TLR7: variants seen among roughly 807,000 people sequenced by gnomAD.
TLR7 encodes the protein toll like receptor 7, also known as toll-like receptor 7.
In TLR7, 12 loss-of-function variants were observed where a neutral mutation model predicts 38.3. The ratio of observed to expected loss-of-function variants is 0.31; its 90% CI spans 0.20 to 0.51. The LOEUF (loss-of-function observed/expected upper bound fraction) is 0.51. Among genes scored for constraint, TLR7 ranks in the 20% least tolerant of loss-of-function variants. The pLI is 0.98. For missense variants in TLR7, 504 were observed against 743.4 expected (o/e 0.68, Z 3.74); for synonymous variants, 285 against 293.8 (o/e 0.97, Z 0.31).
intron 2 of TLR7, among the ~76,000 whole-genome samples, chrX:12,869,936 T>G (rs2042846880): frequency 1.8e-5 from 2 of 109,564 alleles, no homozygotes; most frequent in South Asian, 7.8e-4. Flanking sequence ...TCATGTTTTT[T>G]AAAATAATAC....
At chrX:12,884,105 G>A (rs930975404) in intron 2 of TLR7, among the ~76,000 whole-genome samples, 6 of 111,150 alleles carry the variant, frequency 5.4e-5, no homozygotes, top group African/African-American at 1.6e-4. Flanking sequence ...TCAACCTCCC[G>A]AGTAGCTGAA....
intron 2 of TLR7, among the ~76,000 whole-genome samples, chrX:12,872,969 A>G (rs988462903): frequency 2.7e-5 from 3 of 111,000 alleles, no homozygotes; most frequent in Non-Finnish European, 5.7e-5. Context: ...CACCCAGAGC[A>G]GAGACCGCCA....
At position 12,886,915 on chromosome X, in the gene TLR7, T is replaced by C. The variant is rs1175164506; in HGVS notation, c.1407T>C (p.Asp469=). 2 of 1,207,277 alleles carry C rather than the reference T, an allele frequency of 1.7e-6. No individual in the cohort carries two copies. Among genetic ancestry groups the C allele is most frequent in the Admixed American group, 4.4e-5 (2 of 45,426 alleles). The part of the protein sequence containing the change: ...VLEQLHYFRY[D]KYARSCRFKN... ...AACAATTACATTATTTCAGATATGA[T>C]AAGTATGCAAGGAGTTGCAGATTCA... The change falls in exon 3 of 3, where the codon GAT becomes GAC. Residue 469 remains aspartate, a synonymous_variant. Coordinates refer to ENST00000380659, the MANE Select transcript of TLR7 (RefSeq NM_016562.4).
In TLR7 at chrX:12,888,601, C is replaced by T. The variant is rs201628325; in HGVS notation, c.3093C>T (p.Asn1031=). 182 of 1,209,311 alleles carry T rather than the reference C, an allele frequency of 1.5e-4. No individual in the cohort carries two copies. The highest frequency in any genetic ancestry group is 3.0e-4 in the South Asian group (17 of 56,685). ...CATACTTCTGGCAGTGTCTAAAGAACGCCCTGGCCACAGACAATCATGTGG... is the reference window on the plus strand; with the variant it reads ...CATACTTCTGGCAGTGTCTAAAGAATGCCCTGGCCACAGACAATCATGTGG... ...AHPYFWQCLK[N]ALATDNHVAY... Residue 1031 remains asparagine (N), a synonymous_variant, in exon 3 of 3, where the codon AAC becomes AAT. Transcript: ENST00000380659.
chrX:12,883,583 G>T (rs890889273), intron 2 of TLR7, among the ~76,000 whole-genome samples: 1 of 111,766 alleles, frequency 8.9e-6, no homozygotes, highest in Non-Finnish European at 1.9e-5. Flanking sequence ...TTGGGAGGCT[G>T]AGGTGGGACG....
Position 12,871,251 on chromosome X carries a change from A to G in TLR7, c.3+3670A>G, listed in dbSNP as rs1397166674. 2.7e-5 allele frequency among the ~76,000 whole-genome samples: 3 copies of G among 112,170 alleles called. No individual in the cohort carries two copies. In the Admixed American group the frequency reaches 2.8e-4, roughly 11 times the overall value. ...ATTAAAAATATTTCAAAATTCACAAATAGGGGATATTTGTTAATAAATCTA... is the reference window on the plus strand; with the variant it reads ...ATTAAAAATATTTCAAAATTCACAAGTAGGGGATATTTGTTAATAAATCTA... On this transcript the variant is annotated intron_variant, in intron 2 of 2. Coordinates refer to ENST00000380659, the MANE Select transcript of TLR7 (RefSeq NM_016562.4).
At chrX:12,876,173 G>T (rs866809611) in intron 2 of TLR7, among the ~76,000 whole-genome samples, 41 of 111,407 alleles carry the variant, frequency 3.7e-4, no homozygotes, top group Admixed American at 7.6e-4. Flanking sequence ...GGCCATGCTG[G>T]TCTCAAACTC....
intron 2 of TLR7, among the ~76,000 whole-genome samples, chrX:12,882,762 T>C (rs2042896966): frequency 8.9e-6 from 1 of 112,178 alleles, no homozygotes; most frequent in Non-Finnish European, 1.9e-5. Flanking sequence ...ACGAAAACAC[T>C]TAAACTAGGC....
At position 12,886,708 on chromosome X, in the gene TLR7, A is replaced by G; in HGVS notation, c.1200A>G (p.Glu400=). 3.3e-6 allele frequency: 4 copies of G among 1,211,606 alleles called. No homozygotes were observed. The highest frequency in any genetic ancestry group is 4.5e-6 in the Non-Finnish European group (4 of 895,441). ...CATTACATAATCTTCAAAATCTTGA[A>G]GTTCTTGATCTTGGCACTAACTTTA... The part of the protein sequence containing the change: ...LSPLHNLQNL[E]VLDLGTNFIK... The change falls in exon 3 of 3, where the codon GAA becomes GAG. Residue 400 remains glutamate (E), a synonymous_variant. Transcript: ENST00000380659.
intron 2 of TLR7, among the ~76,000 whole-genome samples, chrX:12,872,202 G>A (rs779594184): frequency 5.4e-5 from 6 of 111,694 alleles, no homozygotes; most frequent in Non-Finnish European, 9.4e-5. Flanking sequence ...CTATCACTGC[G>A]TAAGAGATCA....
rs755539535 is a variant in TLR7, at chrX:12,888,905, TAA to T, written c.*250_*251del. 92 of 293,439 alleles carry T rather than the reference TAA, an allele frequency of 3.1e-4. 1 individual carries two copies. The highest frequency in any genetic ancestry group is 2.1e-4 in the Non-Finnish European group (36 of 169,131). 24.2% of individuals were successfully genotyped at this position (293,439 alleles called of 1,213,427 possible). A position where few individuals can be genotyped will look rare whatever the true frequency, so the allele number is the denominator to read the frequency against. ...CTTGAGTCTCTCACCTCAGCTCCTG[TAA>T]AAGAGTGGCAAGTAAAAAACATGGG... On this transcript the variant is annotated 3_prime_UTR_variant, in exon 3 of 3. Transcript: ENST00000380659.
intron 2 of TLR7, among the ~76,000 whole-genome samples, chrX:12,878,711 T>G (rs144320447): frequency 4.0e-3 from 450 of 111,112 alleles, no homozygotes; most frequent in African/African-American, 0.014. Context: ...GTCTAAAGAC[T>G]CTATGCTTTG....
rs140793578 is a variant in TLR7 at position 12,886,537 on chromosome X, C to T, written c.1029C>T (p.Ile343=). ...TTCTGCATTTTCTCCCCAGCCTCAT[C>T]CAATTGGATCTGTCTTTCAATTTTG... ...AKFLHFLPSL[I]QLDLSFNFEL... The change falls in exon 3 of 3, where the codon ATC becomes ATT. Residue 343 remains isoleucine (I), a synonymous_variant. Coordinates refer to ENST00000380659, the MANE Select transcript of TLR7 (RefSeq NM_016562.4). 4.9e-5 allele frequency: 59 copies of T among 1,210,221 alleles called. No individual in the cohort carries two copies. In the African/African-American group the frequency reaches 9.2e-4, roughly 19 times the overall value.
chrX:12,873,534 G>T (rs888807926), intron 2 of TLR7, among the ~76,000 whole-genome samples: 3 of 111,518 alleles, frequency 2.7e-5, no homozygotes, highest in Admixed American at 1.9e-4. Flanking sequence ...GTTATGATGA[G>T]ATCTTATTTC....
intron 2 of TLR7, among the ~76,000 whole-genome samples, chrX:12,883,048 C>A (rs1208026326): frequency 2.7e-5 from 3 of 111,749 alleles, no homozygotes; most frequent in Non-Finnish European, 5.6e-5. Context: ...AAAAGCATAG[C>A]CAGGGGTTGG....
Position 12,885,821 on chromosome X carries a change from C to T in TLR7, c.313C>T (p.Leu105=), listed in dbSNP as rs773554481. Residue 105 remains leucine (L), a synonymous_variant, in exon 3 of 3, where the codon CTG becomes TTG. Transcript: ENST00000380659. ...DFRCNCVPIP[L]GSKNNMCIKR... is the part of the protein sequence containing the mutation. ...CAGATGCAACTGTGTACCTATTCCA[C>T]TGGGGTCAAAAAACAACATGTGCAT... is the stretch of plus-strand genomic sequence containing the variant. 2 of 1,211,969 alleles carry T rather than the reference C, an allele frequency of 1.7e-6. No homozygotes were observed. Among genetic ancestry groups the T allele is most frequent in the East Asian group, 3.0e-5 (1 of 33,872 alleles).
At chrX:12,870,964 G>C (rs997730225) in intron 2 of TLR7, among the ~76,000 whole-genome samples, 86 of 111,798 alleles carry the variant, frequency 7.7e-4, no homozygotes, top group African/African-American at 2.8e-3. Flanking sequence ...AGGTCAAATA[G>C]GTTTGAGAGC....
intron 2 of TLR7, among the ~76,000 whole-genome samples, chrX:12,870,256 CT>C (rs1477748626): frequency 8.9e-6 from 1 of 111,790 alleles, no homozygotes; most frequent in Non-Finnish European, 1.9e-5. Context: ...AATTTTTGTA[CT>C]GACAAAGCCT....
At chrX:12,876,939 C>A (rs996833979) in intron 2 of TLR7, among the ~76,000 whole-genome samples, 6 of 99,082 alleles carry the variant, frequency 6.1e-5, no homozygotes, top group Admixed American at 3.2e-4. Context: ...AAAAAAAAAA[C>A]CGAAGCAAAA....
Sources: allele counts gnomAD v4.1 joint callset (sites outside exome capture counted in the v4.1 genomes callset), GRCh38; gene constraint gnomAD v4.1.1; transcripts MANE v1.5; gene names NCBI Gene and HGNC (gene_info 2026-07-23, HGNC 2026-07-21).